Variants in STARD13 observed in about 807,000 individuals in gnomAD.
STARD13 encodes the protein StAR related lipid transfer domain containing 13, also known as stAR-related lipid transfer protein 13.
A neutral mutation model predicts 106.4 loss-of-function variants in STARD13; 62 were observed. That is an observed-to-expected ratio of 0.58 (90% confidence interval 0.48 to 0.72). The LOEUF is 0.72. STARD13 is among the 30% of genes least tolerant of loss of function. The pLI is 0.00. For missense variants in STARD13, 1,387 were observed against 1,424.0 expected (o/e 0.97, Z 0.42); for synonymous variants, 565 against 553.0 (o/e 1.02, Z -0.31).
chr13:33,451,145 G>A, the STARD13 span, among the ~76,000 whole-genome samples: 1 of 152,150 alleles, frequency 6.6e-6, no homozygotes, highest in African/African-American at 2.4e-5. Flanking sequence ...CTCCTAAAGT[G>A]CTGAAATTAT....
chr13:33,452,403 T>C, the STARD13 span, among the ~76,000 whole-genome samples: 3 of 152,096 alleles, frequency 2.0e-5, no homozygotes, highest in African/African-American at 7.2e-5. Flanking sequence ...TGTTTTCCTC[T>C]GCCGCACTGT....
At chr13:33,348,068 C>T (rs1037379314), downstream of STARD13, among the ~76,000 whole-genome samples, 5 of 152,292 alleles carry the variant, frequency 3.3e-5, no homozygotes, top group East Asian at 3.9e-4. Flanking sequence ...AAGTTGAAGT[C>T]GGCCTCACAG....
chr13:33,613,590 C>T, the STARD13 span, among the ~76,000 whole-genome samples: 138 of 152,258 alleles, frequency 9.1e-4, no homozygotes, highest in Non-Finnish European at 1.5e-3. Flanking sequence ...GAAAGTCAGG[C>T]CTTGGTGAAT....
At chr13:33,616,507 C>T in the STARD13 span, among the ~76,000 whole-genome samples, 3 of 152,184 alleles carry the variant, frequency 2.0e-5, no homozygotes, top group South Asian at 2.1e-4. Flanking sequence ...ATCCATCTAT[C>T]CTTCTACCCA....
the STARD13 span, among the ~76,000 whole-genome samples, chr13:33,545,766 C>A: frequency 6.6e-6 from 1 of 152,172 alleles, no homozygotes; most frequent in Admixed American, 6.5e-5. Context: ...CTTGCTTCCT[C>A]GCTTACCATG....
intron 1 of STARD13, among the ~76,000 whole-genome samples, chr13:33,324,827 A>T (rs1893681419): frequency 6.6e-6 from 1 of 152,218 alleles, no homozygotes; most frequent in African/African-American, 2.4e-5. Flanking sequence ...GCCGCAACAA[A>T]TGCCTGCAGA....
chr13:33,274,913 C>T (rs1048634671), intron 1 of STARD13, among the ~76,000 whole-genome samples: 5 of 152,086 alleles, frequency 3.3e-5, no homozygotes, highest in African/African-American at 1.2e-4. Context: ...CCCGGCCCTT[C>T]GGTTTAATGT....
At chr13:33,676,787 A>G in the STARD13 span, 11,506 of 152,188 alleles carry the variant, frequency 0.076, 898 homozygotes, top group East Asian at 0.25. Context: ...CCACTCCCCG[A>G]GAAGAGCCCA....
the STARD13 span, among the ~76,000 whole-genome samples, chr13:33,595,411 A>G: frequency 6.6e-6 from 1 of 152,220 alleles, no homozygotes; most frequent in Non-Finnish European, 1.5e-5. Flanking sequence ...GATGTTTTTT[A>G]GATAAGGACA....
chr13:33,464,882 G>A, the STARD13 span, among the ~76,000 whole-genome samples: 1 of 152,210 alleles, frequency 6.6e-6, no homozygotes, highest in African/African-American at 2.4e-5. Context: ...GATACCACAT[G>A]AGGAGGTGTA....
At chr13:33,276,480 A>G (rs1384253436) in intron 1 of STARD13, among the ~76,000 whole-genome samples, 1 of 152,198 alleles carries the variant, frequency 6.6e-6, no homozygotes, top group East Asian at 1.9e-4. Flanking sequence ...ATTTCTTATA[A>G]TAATTTTACA....
At chr13:33,288,773 T>A (rs1003126891), upstream of STARD13, among the ~76,000 whole-genome samples, 1 of 152,168 alleles carries the variant, frequency 6.6e-6, no homozygotes, top group Non-Finnish European at 1.5e-5. Flanking sequence ...TCAAGTAGTA[T>A]CTATAAATTC....
chr13:33,161,597 G>T lies in STARD13; in HGVS notation c.323+3740C>A, dbSNP rs550129135. Among the ~76,000 whole-genome samples, 3 of 152,310 alleles carry T rather than the reference G, an allele frequency of 2.0e-5. No individual in the cohort carries two copies. In the East Asian group the frequency reaches 5.8e-4, roughly 29 times the overall value. ...CCCAAAGTGCTGGGATTACAGGCAT[G>T]AGCCACAACACCTGGTCTGCTCTAT... On this transcript the variant is annotated intron_variant, in intron 3 of 13. Coordinates refer to ENST00000336934, the MANE Select transcript of STARD13 (RefSeq NM_178006.4).
intron 1 of STARD13, among the ~76,000 whole-genome samples, chr13:33,180,717 CG>C (rs1359358419): frequency 2.6e-5 from 4 of 151,994 alleles, no homozygotes; most frequent in African/African-American, 9.7e-5. Flanking sequence ...GAGGAGGTGA[CG>C]GGGAAAGTAA....
intron 1 of STARD13, among the ~76,000 whole-genome samples, chr13:33,302,181 T>C (rs1892746245): frequency 1.3e-5 from 2 of 152,212 alleles, no homozygotes; most frequent in Admixed American, 1.3e-4. Flanking sequence ...CACTACCTGA[T>C]GCTGAGTAAC....
At position 33,177,813 on chromosome 13, in the gene STARD13, GAAGGAAGGAAGGAAGGAAGGAAGGAAGGA is replaced by G. The variant is rs1566052129; in HGVS notation, c.170-10220_170-10192del. On this transcript the variant is annotated intron_variant, in intron 1 of 13. Coordinates refer to ENST00000336934, the MANE Select transcript of STARD13 (RefSeq NM_178006.4). Reference sequence around the variant, plus strand: ...GAAGGAAGGAAGGAAAGGAAGGAAGGAAGGAAGGAAGGAAGGAAGGAAGGAAGGAAAGGAAGGAAGGAAGGAAGGAAGGA... The same window carrying G: ...GAAGGAAGGAAGGAAAGGAAGGAAGGAAGGAAGGAAGGAAGGAAGGAAGGA... 4.1e-3 allele frequency among the ~76,000 whole-genome samples: 98 copies of G among 24,180 alleles called. 1 individual carries two copies. The highest frequency in any genetic ancestry group is 0.01 in the African/African-American group (44 of 4,268). The allele number at this position is 24,180 out of a possible 152,430, so 15.9% of individuals were successfully genotyped here.
At chr13:33,318,465 A>G (rs1397511095) in intron 1 of STARD13, among the ~76,000 whole-genome samples, 1 of 152,214 alleles carries the variant, frequency 6.6e-6, no homozygotes, top group South Asian at 2.1e-4. Context: ...TGTAAGAGTT[A>G]AAGCTATAAA....
chr13:33,609,723 C>T, the STARD13 span, among the ~76,000 whole-genome samples: 3 of 152,040 alleles, frequency 2.0e-5, no homozygotes, highest in African/African-American at 7.3e-5. Context: ...CCCACCACCA[C>T]GCCCGGCTAA....
At chr13:33,169,174 G>A (rs1883664870) in intron 1 of STARD13, among the ~76,000 whole-genome samples, 1 of 152,234 alleles carries the variant, frequency 6.6e-6, no homozygotes, top group Non-Finnish European at 1.5e-5. Flanking sequence ...GCTATTGAAA[G>A]CATTTCTATC....
Sources: allele counts gnomAD v4.1 joint callset (sites outside exome capture counted in the v4.1 genomes callset), GRCh38; gene constraint gnomAD v4.1.1; transcripts MANE v1.5; gene names NCBI Gene and HGNC (gene_info 2026-07-23, HGNC 2026-07-21).